Variants in LRRC4C observed in about 807,000 individuals in gnomAD.
LRRC4C encodes leucine rich repeat containing 4C.
Under a neutral mutation model 33.6 loss-of-function variants are expected in LRRC4C, and 5 were observed. That is an observed-to-expected ratio of 0.15 (90% CI 0.08 to 0.31). LRRC4C has a LOEUF of 0.31. Ranked by LOEUF, LRRC4C falls within the 10% of genes least tolerant of loss-of-function variation. The pLI is 1.00. For missense variants in LRRC4C, 560 were observed against 796.7 expected (o/e 0.70, Z 3.58); for synonymous variants, 329 against 302.0 (o/e 1.09, Z -0.93).
intron 1 of LRRC4C, among the ~76,000 whole-genome samples, chr11:41,001,002 C>A (rs1406402544): frequency 1.3e-5 from 2 of 152,110 alleles, no homozygotes; most frequent in African/African-American, 4.8e-5. Flanking sequence ...ATCAGTTAAT[C>A]AGCGTAGTAA....
At chr11:40,931,970 C>A (rs980485168) in intron 2 of LRRC4C, among the ~76,000 whole-genome samples, 1 of 152,060 alleles carries the variant, frequency 6.6e-6, no homozygotes. Context: ...GAAATAAGTT[C>A]TTAGCTAAGA....
intron 5 of LRRC4C, among the ~76,000 whole-genome samples, chr11:40,160,256 T>C (rs1388703131): frequency 6.6e-6 from 1 of 152,012 alleles, no homozygotes; most frequent in East Asian, 1.9e-4. Flanking sequence ...ATCCTGACTC[T>C]CAATTTTGTA....
intron 1 of LRRC4C, among the ~76,000 whole-genome samples, chr11:41,376,089 T>C (rs1369182285): frequency 4.0e-5 from 6 of 151,696 alleles, no homozygotes; most frequent in South Asian, 4.2e-4. Context: ...GCATTAATTG[T>C]ATTTGTATAA....
At chr11:40,418,642 T>G (rs1950412609) in intron 3 of LRRC4C, among the ~76,000 whole-genome samples, 1 of 152,198 alleles carries the variant, frequency 6.6e-6, no homozygotes, top group South Asian at 2.1e-4. Flanking sequence ...ATCATTCTAT[T>G]ACAAAGATGC....
intron 3 of LRRC4C, among the ~76,000 whole-genome samples, chr11:40,381,778 T>C (rs1342019714): frequency 6.6e-6 from 1 of 152,052 alleles, no homozygotes; most frequent in Non-Finnish European, 1.5e-5. Flanking sequence ...CTTCAGAAAT[T>C]TGGCTTTTGG....
intron 3 of LRRC4C, among the ~76,000 whole-genome samples, chr11:40,336,870 G>T (rs1162551920): frequency 1.3e-5 from 2 of 150,388 alleles, no homozygotes; most frequent in Non-Finnish European, 3.0e-5. Flanking sequence ...CCAGCTACTC[G>T]GGAGGCTGAG....
At chr11:40,240,165 G>C (rs1865836917) in intron 5 of LRRC4C, among the ~76,000 whole-genome samples, 1 of 152,000 alleles carries the variant, frequency 6.6e-6, no homozygotes. Context: ...TTCGCACCCT[G>C]TCCTCTAACA....
intron 3 of LRRC4C, among the ~76,000 whole-genome samples, chr11:40,567,482 A>T (rs1450842407): frequency 1.3e-5 from 2 of 152,164 alleles, no homozygotes; most frequent in African/African-American, 2.4e-5. Flanking sequence ...ATAGCTATGG[A>T]CACTTGGATT....
chr11:40,429,025 A>C (rs192072960), intron 3 of LRRC4C, among the ~76,000 whole-genome samples: 14 of 152,340 alleles, frequency 9.2e-5, no homozygotes, highest in African/African-American at 3.4e-4. Context: ...TATTTCATAA[A>C]ATTAAAGATT....
intron 1 of LRRC4C, among the ~76,000 whole-genome samples, chr11:41,322,110 C>T (rs1047093167): frequency 3.3e-5 from 5 of 151,984 alleles, no homozygotes; most frequent in African/African-American, 1.2e-4. Context: ...GGTGATCTGC[C>T]CGCCTCAGCC....
At chr11:40,263,132 A>G (rs1407680891) in intron 4 of LRRC4C, among the ~76,000 whole-genome samples, 2 of 152,082 alleles carry the variant, frequency 1.3e-5, no homozygotes, top group Non-Finnish European at 2.9e-5. Flanking sequence ...ATATTAATCT[A>G]TTGGCTGGAC....
At chr11:41,272,453 G>A (rs1949351384) in intron 1 of LRRC4C, among the ~76,000 whole-genome samples, 1 of 152,056 alleles carries the variant, frequency 6.6e-6, no homozygotes, top group South Asian at 2.1e-4. Flanking sequence ...AACTTGCAGT[G>A]AAATAGGGAC....
intron 3 of LRRC4C, among the ~76,000 whole-genome samples, chr11:40,454,172 GTT>G (rs35415208): frequency 0.021 from 2,838 of 138,380 alleles, 116 homozygotes; most frequent in African/African-American, 0.071. Context: ...CTTGATTAAA[GTT>G]TTTTTTTTTT....
chr11:41,002,694 ATGG>A (rs1854473712), intron 1 of LRRC4C, among the ~76,000 whole-genome samples: 2 of 152,210 alleles, frequency 1.3e-5, no homozygotes, highest in South Asian at 4.1e-4. Flanking sequence ...ATTTCAGTGC[ATGG>A]ATAAGTGATT....
chr11:41,208,887 G>A (rs1946705180), intron 1 of LRRC4C, among the ~76,000 whole-genome samples: 1 of 152,104 alleles, frequency 6.6e-6, no homozygotes, highest in Admixed American at 6.5e-5. Context: ...CTGGGGGTAG[G>A]GCACCCCACA....
chr11:40,683,707 G>C (rs892591372), intron 2 of LRRC4C, among the ~76,000 whole-genome samples: 3 of 152,130 alleles, frequency 2.0e-5, no homozygotes, highest in African/African-American at 7.2e-5. Context: ...GAAAAGGTTT[G>C]GTTCTGCATG....
intron 3 of LRRC4C, among the ~76,000 whole-genome samples, chr11:40,489,179 T>C (rs1389036351): frequency 6.6e-6 from 1 of 152,144 alleles, no homozygotes; most frequent in Non-Finnish European, 1.5e-5. Flanking sequence ...CTTGTAATTT[T>C]CCACCCATAT....
intron 2 of LRRC4C, among the ~76,000 whole-genome samples, chr11:40,797,345 G>T (rs1013598747): frequency 6.6e-6 from 1 of 152,068 alleles, no homozygotes; most frequent in African/African-American, 2.4e-5. Context: ...GGGCATCTGA[G>T]AGAAGAGATC....
At chr11:41,347,045 T>C (rs926092797) in intron 1 of LRRC4C, among the ~76,000 whole-genome samples, 5 of 152,204 alleles carry the variant, frequency 3.3e-5, no homozygotes, top group Admixed American at 3.3e-4. Context: ...AGAGGTTTGA[T>C]TTTAATTAAT....
Sources: gnomAD v4.1 joint callset for allele counts (sites outside exome capture counted in the v4.1 genomes callset) on GRCh38, gnomAD v4.1.1 for gene constraint, MANE v1.5 for transcripts, NCBI Gene and HGNC (gene_info 2026-07-23, HGNC 2026-07-21) for gene names.